NRXN1: variants seen among roughly 807,000 people sequenced by gnomAD.
The protein encoded by NRXN1 is neurexin-1.
Under a neutral mutation model 150.9 loss-of-function variants are expected in NRXN1, and 39 were observed. That is an observed-to-expected ratio of 0.26 (90% CI 0.20 to 0.34). NRXN1 has a LOEUF of 0.34. Among genes scored for constraint, NRXN1 ranks in the 10% least tolerant of loss-of-function variants. The probability of loss-of-function intolerance (pLI) is 1.00; values close to 1 mark genes in which losing one functional copy is unlikely to be tolerated. For missense variants in NRXN1, 1,815 were observed against 1,949.9 expected (o/e 0.93, Z 1.30); for synonymous variants, 924 against 757.0 (o/e 1.22, Z -3.62).
Position 50,351,900 on chromosome 2 carries a change from A to G in NRXN1, c.3364+113542T>C, listed in dbSNP as rs569768356. Among the ~76,000 whole-genome samples the G allele has an allele frequency of 4.6e-5, 7 of 152,218 alleles. No homozygotes were observed. In the South Asian group the frequency reaches 1.0e-3, roughly 23 times the overall value. ...AGAATGAAGAGCTGGAACTTCACCA[A>G]GCTTCTAGAATAGGCTACAAAATTT... is the stretch of plus-strand genomic sequence containing the variant. On this transcript the variant is annotated intron_variant, in intron 17 of 22. Coordinates refer to ENST00000401669, the MANE Select transcript of NRXN1 (RefSeq NM_001330078.2).
chr2:50,201,583 T>C (rs908687035), intron 18 of NRXN1, among the ~76,000 whole-genome samples: 1 of 152,224 alleles, frequency 6.6e-6, no homozygotes, highest in African/African-American at 2.4e-5. Context: ...TCATAGTAGA[T>C]ATTCCATATC....
chr2:50,561,872 GTGA>G (rs1183546076), intron 8 of NRXN1, among the ~76,000 whole-genome samples: 1 of 152,184 alleles, frequency 6.6e-6, no homozygotes, highest in Non-Finnish European at 1.5e-5. Flanking sequence ...TTAAAAGGAA[GTGA>G]TGAAGATACT....
chr2:50,478,735 A>C (rs1183858834), intron 15 of NRXN1, among the ~76,000 whole-genome samples: 1 of 152,150 alleles, frequency 6.6e-6, no homozygotes, highest in Admixed American at 6.5e-5. Flanking sequence ...CTGTGAAATT[A>C]CTTTTTCTAA....
At chr2:49,966,562 T>C (rs1398093162) in intron 21 of NRXN1, 1 of 151,734 alleles carries the variant, frequency 6.6e-6, no homozygotes, top group African/African-American at 2.4e-5. Context: ...TCTAAAATCA[T>C]GAAATGTTAG....
At chr2:50,855,799 T>C (rs1394728855) in intron 5 of NRXN1, among the ~76,000 whole-genome samples, 1 of 152,086 alleles carries the variant, frequency 6.6e-6, no homozygotes, top group Non-Finnish European at 1.5e-5. Flanking sequence ...TCCTGCATGC[T>C]ATACTTAAAG....
chr2:50,408,851 C>CTCTCTCTT (rs2082943784), intron 17 of NRXN1, among the ~76,000 whole-genome samples: 1 of 86,112 alleles, frequency 1.2e-5, no homozygotes, highest in Non-Finnish European at 2.0e-5. Context: ...CTCTCTCTCT[C>CTCTCTCTT]TCTCTCTCTC....
At chr2:50,730,140 A>C (rs1185685850) in intron 5 of NRXN1, among the ~76,000 whole-genome samples, 4 of 152,014 alleles carry the variant, frequency 2.6e-5, no homozygotes, top group African/African-American at 7.2e-5. Context: ...TTTTTTTCAC[A>C]TTTTACCACA....
In NRXN1 at chr2:50,351,428, T is replaced by C. The variant is rs188023087; in HGVS notation, c.3364+114014A>G. Among the ~76,000 whole-genome samples the C allele has an allele frequency of 5.7e-3, 864 of 152,314 alleles. 8 individuals carry two copies. Among genetic ancestry groups the C allele is most frequent in the African/African-American group, 0.02 (819 of 41,574 alleles). Reference sequence around the variant, plus strand: ...ATGATGTGGCTGTGCTCATTAGTTATAATATCTGTTGAAAATAAGTTATCA... The same window carrying C: ...ATGATGTGGCTGTGCTCATTAGTTACAATATCTGTTGAAAATAAGTTATCA... On this transcript the variant is annotated intron_variant, in intron 17 of 22. Coordinates refer to ENST00000401669, the MANE Select transcript of NRXN1 (RefSeq NM_001330078.2).
intron 8 of NRXN1, among the ~76,000 whole-genome samples, chr2:50,568,358 C>T (rs1160149069): frequency 6.6e-6 from 1 of 152,078 alleles, no homozygotes; most frequent in African/African-American, 2.4e-5. Context: ...GAAGAGACAA[C>T]CCACAGAATG....
intron 5 of NRXN1, among the ~76,000 whole-genome samples, chr2:50,672,974 C>T (rs183700884): frequency 6.6e-6 from 1 of 152,092 alleles, no homozygotes; most frequent in Non-Finnish European, 1.5e-5. Flanking sequence ...TTTGTTCTAG[C>T]TTACTAAACT....
At chr2:50,273,013 C>T (rs564475535) in intron 17 of NRXN1, among the ~76,000 whole-genome samples, 1 of 151,962 alleles carries the variant, frequency 6.6e-6, no homozygotes, top group African/African-American at 2.4e-5. Flanking sequence ...GAAGAAACAT[C>T]TTAAAAAACA....
intron 19 of NRXN1, among the ~76,000 whole-genome samples, chr2:50,078,270 T>C (rs1429816236): frequency 6.6e-6 from 1 of 152,052 alleles, no homozygotes; most frequent in Admixed American, 6.6e-5. Flanking sequence ...GCATTTGACT[T>C]ACAATTACAC....
chr2:50,055,535 T>C (rs932886469), intron 19 of NRXN1, among the ~76,000 whole-genome samples: 2 of 152,202 alleles, frequency 1.3e-5, no homozygotes, highest in Non-Finnish European at 2.9e-5. Context: ...TAGCATACTT[T>C]ATTTCCTAGT....
At chr2:50,377,754 A>G (rs895685052) in intron 17 of NRXN1, among the ~76,000 whole-genome samples, 1 of 152,170 alleles carries the variant, frequency 6.6e-6, no homozygotes, top group African/African-American at 2.4e-5. Flanking sequence ...AAGTCAATAA[A>G]TGGTGAAGAA....
chr2:50,712,776 G>A (rs2105056516), intron 5 of NRXN1, among the ~76,000 whole-genome samples: 1 of 152,248 alleles, frequency 6.6e-6, no homozygotes, highest in East Asian at 1.9e-4. Context: ...GTAACCTCAT[G>A]ACTGCAGCCT....
chr2:50,617,914 GA>G (rs1323058127), intron 8 of NRXN1, among the ~76,000 whole-genome samples: 2 of 152,080 alleles, frequency 1.3e-5, no homozygotes, highest in Non-Finnish European at 2.9e-5. Flanking sequence ...TACACACACA[GA>G]AAAAAACTGC....
At chr2:50,512,869 C>T (rs772844145) in intron 12 of NRXN1, among the ~76,000 whole-genome samples, 1 of 152,120 alleles carries the variant, frequency 6.6e-6, no homozygotes, top group Non-Finnish European at 1.5e-5. Flanking sequence ...TACACAGTTT[C>T]GGAAGCAGTG....
chr2:50,956,955 G>A (rs1486263944), intron 2 of NRXN1, among the ~76,000 whole-genome samples: 1 of 152,104 alleles, frequency 6.6e-6, no homozygotes, highest in South Asian at 2.1e-4. Flanking sequence ...TTTGAAACCA[G>A]AGCTGACACT....
chr2:50,964,974 T>C (rs1212750756), intron 2 of NRXN1, among the ~76,000 whole-genome samples: 2 of 151,398 alleles, frequency 1.3e-5, no homozygotes, highest in Admixed American at 6.6e-5. Flanking sequence ...ATAATAAACA[T>C]ATAATTTCCA....
Sources: gnomAD v4.1 joint callset for allele counts (sites outside exome capture counted in the v4.1 genomes callset) on GRCh38, gnomAD v4.1.1 for gene constraint, MANE v1.5 for transcripts, NCBI Gene and HGNC (gene_info 2026-07-23, HGNC 2026-07-21) for gene names.